Variants in DENND1B observed in about 807,000 individuals in gnomAD.
The protein encoded by DENND1B is DENN domain-containing protein 1B.
In DENND1B, 59 loss-of-function variants were observed where a neutral mutation model predicts 90.1. The observed-to-expected ratio is 0.65, with a 90% CI of 0.53 to 0.81. The LOEUF (loss-of-function observed/expected upper bound fraction) is 0.81, where lower values mean the gene tolerates loss of function less well. Among genes scored for constraint, DENND1B ranks in the 40% least tolerant of loss-of-function variants. The pLI is 0.00. For missense variants in DENND1B, 862 were observed against 912.6 expected, an observed-to-expected ratio of 0.94 and a Z score of 0.71; for synonymous variants, 337 against 324.6, an observed-to-expected ratio of 1.04 and a Z score of -0.41.
chr1:197,565,065 A>C (rs777482935), intron 15 of DENND1B, among the ~76,000 whole-genome samples: 5 of 152,024 alleles, frequency 3.3e-5, no homozygotes, highest in Non-Finnish European at 7.4e-5. Context: ...ATCTATTCAT[A>C]ACTCAAATCT....
chr1:197,543,648 G>A (rs4915552), intron 18 of DENND1B, among the ~76,000 whole-genome samples: 23,872 of 152,108 alleles, frequency 0.16, 2,155 homozygotes, highest in Non-Finnish European at 0.2. Context: ...GAAAGCCATA[G>A]AACAACCAAA....
intron 2 of DENND1B, among the ~76,000 whole-genome samples, chr1:197,745,639 T>TGA (rs1663661264): frequency 7.5e-6 from 1 of 132,910 alleles, no homozygotes; most frequent in South Asian, 2.3e-4. Flanking sequence ...TATATATATA[T>TGA]AATATATATA....
chr1:197,622,773 A>T (rs1678290364), intron 10 of DENND1B, among the ~76,000 whole-genome samples: 1 of 151,450 alleles, frequency 6.6e-6, no homozygotes, highest in Non-Finnish European at 1.5e-5. Context: ...AACTGAACCA[A>T]AGTTGTCCTG....
intron 3 of DENND1B, among the ~76,000 whole-genome samples, chr1:197,680,668 A>G (rs1656590892): frequency 6.6e-6 from 1 of 152,180 alleles, no homozygotes. Context: ...AAAATAAAAT[A>G]AAATTATATT....
intron 2 of DENND1B, among the ~76,000 whole-genome samples, chr1:197,766,314 C>T (rs1205312261): frequency 6.6e-6 from 1 of 152,156 alleles, no homozygotes; most frequent in African/African-American, 2.4e-5. Flanking sequence ...AATTGAGAGA[C>T]TCAGAGTTCT....
intron 10 of DENND1B, among the ~76,000 whole-genome samples, chr1:197,628,695 G>C (rs999775891): frequency 6.6e-6 from 1 of 151,988 alleles, no homozygotes; most frequent in Non-Finnish European, 1.5e-5. Flanking sequence ...TTAAACTAAA[G>C]AGCTTCTGCA....
At chr1:197,735,178 T>A in intron 2 of DENND1B, 1 of 1,000,602 alleles carries the variant, frequency 1.0e-6, no homozygotes, top group Non-Finnish European at 1.2e-6. Context: ...AAAAACAATA[T>A]TGAATGGGTC....
chr1:197,588,601 T>C (rs1674918064), intron 14 of DENND1B, among the ~76,000 whole-genome samples: 1 of 152,108 alleles, frequency 6.6e-6, no homozygotes, highest in African/African-American at 2.4e-5. Context: ...TAAGCAAAAA[T>C]GTCTGCATAT....
intron 7 of DENND1B, among the ~76,000 whole-genome samples, chr1:197,651,532 T>C (rs990879550): frequency 1.3e-5 from 2 of 152,056 alleles, no homozygotes; most frequent in African/African-American, 4.8e-5. Flanking sequence ...CATATTTATA[T>C]GTTATATGTC....
At position 197,733,590 on chromosome 1, in the gene DENND1B, G is replaced by A. The variant is rs185729273; in HGVS notation, c.83-18516C>T. On this transcript the variant is annotated intron_variant, in intron 2 of 22. Coordinates refer to ENST00000620048, the MANE Select transcript of DENND1B (RefSeq NM_001195215.2). ...TTTGTCTTCGTTGTTTGGGCATGGA[G>A]CCCCTACATCAGAGGAAGCTGCTCC... Among the ~76,000 whole-genome samples the A allele has an allele frequency of 9.7e-4, 147 of 152,248 alleles. 1 individual carries two copies. Among genetic ancestry groups the A allele is most frequent in the African/African-American group, 3.4e-3 (143 of 41,562 alleles).
chr1:197,681,775 A>G (rs1436171575), intron 3 of DENND1B, among the ~76,000 whole-genome samples: 1 of 152,084 alleles, frequency 6.6e-6, no homozygotes, highest in African/African-American at 2.4e-5. Context: ...CCAAACCACC[A>G]CATTATTTCT....
At chr1:197,606,114 T>C (rs889219344) in intron 13 of DENND1B, 3 of 151,242 alleles carry the variant, frequency 2.0e-5, no homozygotes, top group Non-Finnish European at 4.4e-5. Context: ...TATAAAGATA[T>C]TTTTAAGTAG....
chr1:197,548,309 G>A (rs1670965279), intron 16 of DENND1B, among the ~76,000 whole-genome samples: 1 of 152,122 alleles, frequency 6.6e-6, no homozygotes, highest in African/African-American at 2.4e-5. Flanking sequence ...GAAGGAAGTG[G>A]GCTTTGGAGT....
chr1:197,667,268 T>A (rs1414038660), intron 5 of DENND1B, among the ~76,000 whole-genome samples: 1 of 152,154 alleles, frequency 6.6e-6, no homozygotes, highest in Non-Finnish European at 1.5e-5. Context: ...TTACAAATCA[T>A]TGCCATCTGG....
intron 3 of DENND1B, among the ~76,000 whole-genome samples, chr1:197,705,522 C>T (rs1340593583): frequency 6.6e-6 from 1 of 151,650 alleles, no homozygotes. Flanking sequence ...CAATTAAGCC[C>T]CAAATGAAAA....
chr1:197,693,818 C>T (rs1020923081), intron 3 of DENND1B, among the ~76,000 whole-genome samples: 1 of 151,450 alleles, frequency 6.6e-6, no homozygotes, highest in African/African-American at 2.4e-5. Context: ...CTCCTCTTCT[C>T]CCCAGGGTAG....
chr1:197,772,933 C>G lies in DENND1B; in HGVS notation c.18-1G>C. On this transcript the variant is annotated splice_acceptor_variant, in intron 1 of 22. Transcript: ENST00000620048. LOFTEE classifies it high-confidence loss of function. ...GTCAAAGGTTCTGTCTGGATTTGCC[C>G]TAAAAGGAAAAAGTTTAAATTAATT... 1 of 1,550,706 alleles carries G rather than the reference C, an allele frequency of 6.4e-7. No homozygotes were observed. Among genetic ancestry groups the G allele is most frequent in the Non-Finnish European group, 8.7e-7 (1 of 1,146,566 alleles).
chr1:197,624,741 C>T (rs1678500930), intron 10 of DENND1B, among the ~76,000 whole-genome samples: 1 of 151,766 alleles, frequency 6.6e-6, no homozygotes, highest in South Asian at 2.1e-4. Flanking sequence ...GAAATTTAAA[C>T]CAAAGGCAAA....
intron 2 of DENND1B, among the ~76,000 whole-genome samples, chr1:197,726,566 T>C (rs1661654855): frequency 6.6e-6 from 1 of 151,974 alleles, no homozygotes; most frequent in Non-Finnish European, 1.5e-5. Flanking sequence ...TAAAACAAGG[T>C]CTAGACAAAT....
Sources: allele counts gnomAD v4.1 joint callset (sites outside exome capture counted in the v4.1 genomes callset), GRCh38; gene constraint gnomAD v4.1.1; transcripts MANE v1.5; gene names NCBI Gene and HGNC (gene_info 2026-07-23, HGNC 2026-07-21).